ZMYM6: variants seen among roughly 807,000 people sequenced by gnomAD.
ZMYM6 encodes the protein zinc finger MYM-type containing 6, also known as zinc finger MYM-type protein 6.
ZMYM6 carries 90 observed loss-of-function variants against 134.0 expected under a neutral mutation model. The ratio of observed to expected loss-of-function variants is 0.67; its 90% CI spans 0.57 to 0.80. The LOEUF (loss-of-function observed/expected upper bound fraction) is 0.80. Among genes scored for constraint, ZMYM6 ranks in the 30% least tolerant of loss-of-function variants. The pLI is 0.00. For synonymous variants in ZMYM6, 481 were observed against 524.1 expected (o/e 0.92, Z 1.12); for missense variants, 1,362 against 1,533.9 (o/e 0.89, Z 1.87).
intron 2 of ZMYM6, among the ~76,000 whole-genome samples, chr1:35,026,341 C>A (rs1481150607): frequency 2.6e-5 from 4 of 152,060 alleles, no homozygotes; most frequent in African/African-American, 9.7e-5. Flanking sequence ...ATTTTAATAT[C>A]CAGAACAAAC....
intron 14 of ZMYM6, among the ~76,000 whole-genome samples, chr1:34,994,005 C>T (rs1459005634): frequency 8.5e-5 from 11 of 129,904 alleles, no homozygotes; most frequent in Non-Finnish European, 4.5e-5. Context: ...GTTTTTTAAT[C>T]CAAAAAAAAA....
rs147652892 is a variant in ZMYM6 at position 35,001,051 on chromosome 1, T to C, written c.1992+2917A>G. On this transcript the variant is annotated intron_variant, in intron 14 of 15. Transcript: ENST00000357182. ...CAGCTTTTCACTACAATGGCAGAGGTGACAGAGTCTACAATTGCAACCATA... is the reference window on the plus strand; with the variant it reads ...CAGCTTTTCACTACAATGGCAGAGGCGACAGAGTCTACAATTGCAACCATA... 3.0e-3 allele frequency among the ~76,000 whole-genome samples: 453 copies of C among 152,324 alleles called. 5 individuals carry two copies. Among genetic ancestry groups the C allele is most frequent in the African/African-American group, 0.01 (432 of 41,582 alleles).
chr1:35,003,180 CAAA>C (rs202093628), intron 14 of ZMYM6, among the ~76,000 whole-genome samples: 1,717 of 63,028 alleles, frequency 0.027, 24 homozygotes, highest in African/African-American at 0.073. Flanking sequence ...GACCCTGTCT[CAAA>C]AAAAAAAAAA....
intron 4 of ZMYM6, 67 bp downstream of exon 4, chr1:35,019,286 G>A (rs753799171): frequency 7.5e-6 from 12 of 1,599,652 alleles, no homozygotes; most frequent in Middle Eastern, 3.3e-4. Flanking sequence ...TCAACAGTAT[G>A]TTTGAACTAA....
Position 35,015,034 on chromosome 1 carries a change from G to C in ZMYM6, c.557C>G (p.Thr186Ser). The change falls in exon 5 of 16, where the codon ACC becomes AGC. Residue 186 changes from threonine (T) to serine (S), a missense_variant. Thr to Ser is a moderately conservative substitution (Grantham distance 58). Around this residue, in one of 3 missense-constraint regions of ZMYM6, gnomAD observed 503 missense variants for 520.8 expected, o/e 0.97. Transcript: ENST00000357182. Reference protein sequence around the residue: ...LKKKPVVTIYTKSISTKCSMC... With the variant: ...LKKKPVVTIYSKSISTKCSMC... Reference sequence around the variant, plus strand: ...ACTGCACTTAGTTGAAATGCTTTTGGTATATATGGTAACAACAGGTTTTTT... The same window carrying C: ...ACTGCACTTAGTTGAAATGCTTTTGCTATATATGGTAACAACAGGTTTTTT... 2 of 1,613,522 alleles carry C rather than the reference G, an allele frequency of 1.2e-6. No homozygotes were observed. The highest frequency in any genetic ancestry group is 1.7e-6 in the Non-Finnish European group (2 of 1,179,906).
At position 34,987,991 on chromosome 1, in the gene ZMYM6, A is replaced by G. The variant is rs1319822527; in HGVS notation, c.3091T>C (p.Leu1031=). 6 of 1,551,216 alleles carry G rather than the reference A, an allele frequency of 3.9e-6. No homozygotes were observed. The highest frequency in any genetic ancestry group is 2.0e-5 in the Admixed American group (1 of 50,928). The change falls in exon 16 of 16, where the codon TTG becomes CTG. Residue 1031 remains leucine (L), a synonymous_variant. Transcript: ENST00000357182. ...KLSPCLHKIL[L]QSAQILSFIK... ...AAACTTAAAATTTGTGCTGACTGCA[A>G]AAGAATTTTATGTAAACATGGAGAC...
chr1:35,020,313 C>A, intron 3 of ZMYM6, 70 bp downstream of exon 3: 2 of 1,359,268 alleles, frequency 1.5e-6, no homozygotes, highest in South Asian at 1.5e-5. Flanking sequence ...TGAAAAGATG[C>A]TTTCCCTCAA....
intron 2 of ZMYM6, among the ~76,000 whole-genome samples, chr1:35,025,459 T>A (rs1569797546): frequency 3.0e-5 from 2 of 66,676 alleles, no homozygotes; most frequent in East Asian, 5.1e-4. Flanking sequence ...AAAGCAAGAC[T>A]CCATCCCAAA....
At chr1:34,990,451 C>T (rs1354868237) in intron 15 of ZMYM6, 1 of 157,030 alleles carries the variant, frequency 6.4e-6, no homozygotes, top group Non-Finnish European at 1.4e-5. Context: ...CCACTACACT[C>T]TAGCCTGGGT....
chr1:34,993,678 A>G (rs1466998082), intron 14 of ZMYM6, among the ~76,000 whole-genome samples: 1 of 151,792 alleles, frequency 6.6e-6, no homozygotes, highest in Non-Finnish European at 1.5e-5. Context: ...AGCTCTTAAA[A>G]AGTAAATTAA....
intron 15 of ZMYM6, chr1:34,991,988 G>T: frequency 2.0e-6 from 1 of 497,018 alleles, no homozygotes; most frequent in Non-Finnish European, 3.6e-6. Context: ...AAAAAAAACA[G>T]GTTAAATCAC....
chr1:35,030,323 A>G (rs1217652154), intron 2 of ZMYM6: 2 of 512,362 alleles, frequency 3.9e-6, no homozygotes, highest in East Asian at 3.4e-5. Flanking sequence ...TCCCAGCTAC[A>G]CAGGAGGCTG....
chr1:35,005,008 A>T (rs967178153), intron 13 of ZMYM6, 124 bp downstream of exon 13: 7 of 1,122,492 alleles, frequency 6.2e-6, no homozygotes, highest in Non-Finnish European at 8.8e-6. Context: ...CAGTGAGTTG[A>T]GATCACGCCA....
At chr1:34,998,579 A>T (rs1640827778) in intron 14 of ZMYM6, among the ~76,000 whole-genome samples, 1 of 152,104 alleles carries the variant, frequency 6.6e-6, no homozygotes, top group South Asian at 2.1e-4. Flanking sequence ...GCAATAATCC[A>T]AAAGAATGAT....
At position 34,988,712 on chromosome 1, in the gene ZMYM6, C is replaced by A. The variant is rs1318367529; in HGVS notation, c.2370G>T (p.Lys790Asn). 1.3e-6 allele frequency: 2 copies of A among 1,551,110 alleles called. No individual in the cohort carries two copies. The highest frequency in any genetic ancestry group is 2.4e-5 in the East Asian group (1 of 40,886). The change falls in exon 16 of 16, where the codon AAG (lysine) becomes AAT (asparagine). Residue 790 changes from lysine (K) to asparagine (N), a missense_variant. Lys to Asn is a moderately conservative substitution (Grantham distance 94). Around this residue, in one of 3 missense-constraint regions of ZMYM6, gnomAD observed 824 missense variants for 940.9 expected, o/e 0.88. Coordinates refer to ENST00000357182, the MANE Select transcript of ZMYM6 (RefSeq NM_007167.4). ...MKPANLSHHL[K>N]TKHSELENKP... is the part of the protein sequence containing the mutation. ...TGTTTTCTAATTCTGAATGTTTTGT[C>A]TTCAAATGATGAGAAAGATTTGCTG...
chr1:35,010,517 G>A lies in ZMYM6; in HGVS notation c.1422C>T (p.Tyr474=). The A allele has an allele frequency of 6.2e-7, 1 of 1,614,074 alleles. No individual in the cohort carries two copies. Among genetic ancestry groups the A allele is most frequent in the Non-Finnish European group, 8.5e-7 (1 of 1,180,010 alleles). Residue 474 remains tyrosine (Y), a synonymous_variant, in exon 10 of 16, where the codon TAC becomes TAT. Coordinates refer to ENST00000357182, the MANE Select transcript of ZMYM6 (RefSeq NM_007167.4). ...KKNKVVAMCD[Y]CKLQKIIKET... is the part of the protein sequence containing the mutation. ...CCTTTATAATTTTCTGCAGTTTACAGTAGTCACACATTGCCACAACTTTAT... is the reference window on the plus strand; with the variant it reads ...CCTTTATAATTTTCTGCAGTTTACAATAGTCACACATTGCCACAACTTTAT...
At chr1:35,013,221 G>T in intron 6 of ZMYM6, 1 of 701,384 alleles carries the variant, frequency 1.4e-6, no homozygotes, top group Non-Finnish European at 1.7e-6. Context: ...TTCAACAACA[G>T]AGTGAGGCGC....
intron 11 of ZMYM6, among the ~76,000 whole-genome samples, chr1:35,008,392 C>T (rs553860651): frequency 6.6e-6 from 1 of 152,258 alleles, no homozygotes; most frequent in South Asian, 2.1e-4. Flanking sequence ...TGTCCTTTGA[C>T]CTATGAAGTG....
At chr1:35,015,743 A>AAAAAAAAAAAAAAAATAT in intron 4 of ZMYM6, among the ~76,000 whole-genome samples, 2 of 106,474 alleles carry the variant, frequency 1.9e-5, no homozygotes, top group African/African-American at 1.3e-4. Flanking sequence ...AAAAAAAAAA[A>AAAAAAAAAAAAAAAATAT]ATATATATAT....
Sources: gnomAD v4.1 joint callset for allele counts (sites outside exome capture counted in the v4.1 genomes callset) on GRCh38, gnomAD v4.1.1 for gene constraint, gnomAD v4.1.1 regional missense constraint, MANE v1.5 for transcripts, NCBI Gene and HGNC (gene_info 2026-07-23, HGNC 2026-07-21) for gene names.